Variants in HERC4 observed in about 807,000 individuals in gnomAD.
HERC4 encodes the protein probable E3 ubiquitin-protein ligase HERC4.
A neutral mutation model predicts 124.3 loss-of-function variants in HERC4; 28 were observed. The ratio of observed to expected loss-of-function variants is 0.23; its 90% confidence interval spans 0.17 to 0.31. HERC4 has a LOEUF of 0.31. Ranked by LOEUF, HERC4 falls within the 10% of genes least tolerant of loss-of-function variation. The pLI is 1.00. For synonymous variants in HERC4, 407 were observed against 421.5 expected (o/e 0.97, Z 0.42); for missense variants, 713 against 1,229.3 (o/e 0.58, Z 6.28).
intron 16 of HERC4, chr10:67,960,638 C>T (rs1263649489): frequency 6.3e-6 from 1 of 159,314 alleles, no homozygotes; most frequent in Non-Finnish European, 1.4e-5. Flanking sequence ...CCACCTCAGC[C>T]TCCCAAAGTG....
intron 9 of HERC4, among the ~76,000 whole-genome samples, chr10:68,011,531 G>C (rs2037955308): frequency 1.3e-5 from 2 of 152,202 alleles, no homozygotes; most frequent in South Asian, 4.1e-4. Context: ...ATCTCCATCT[G>C]AGCTCTGATG....
chr10:68,021,829 G>A (rs1419896930), intron 8 of HERC4, among the ~76,000 whole-genome samples: 5 of 151,336 alleles, frequency 3.3e-5, no homozygotes, highest in Non-Finnish European at 5.9e-5. Context: ...ATAAATAAAA[G>A]GCATTCATTC....
chr10:68,023,609 G>C, intron 8 of HERC4, among the ~76,000 whole-genome samples: 1 of 152,124 alleles, frequency 6.6e-6, no homozygotes, highest in East Asian at 1.9e-4. Flanking sequence ...AAGATAAAAA[G>C]AATTCTAGAG....
At chr10:68,010,913 C>G in intron 9 of HERC4, 2 of 1,292,716 alleles carry the variant, frequency 1.5e-6, no homozygotes, top group Non-Finnish European at 2.2e-6. Flanking sequence ...AAGATTGCAG[C>G]AATTCAGTCA....
Position 68,024,554 on chromosome 10 carries a change from T to A in HERC4, c.908+992A>T, listed in dbSNP as rs181173751. 2.4e-4 allele frequency among the ~76,000 whole-genome samples: 37 copies of A among 152,072 alleles called. No individual in the cohort carries two copies. The East Asian group carries it at 5.6e-3, about 23-fold the overall frequency. ...TATGTATAAAATTGAATAAAAAACA[T>A]TAATGAGGCCTAATGATGGAGAACC... On this transcript the variant is annotated intron_variant, in intron 8 of 24. Coordinates refer to ENST00000373700, the MANE Select transcript of HERC4 (RefSeq NM_015601.4).
At chr10:67,927,419 TATATA>T (rs1564911171) in intron 23 of HERC4, among the ~76,000 whole-genome samples, 195 of 12,250 alleles carry the variant, frequency 0.016, 7 homozygotes, top group Middle Eastern at 0.029. Flanking sequence ...TATATATATA[TATATA>T]TATATATTTT....
rs1046524886 is a variant in HERC4, at chr10:67,959,310, A to G, written c.1927-2334T>C. On this transcript the variant is annotated intron_variant, in intron 16 of 24. Coordinates refer to ENST00000373700, the MANE Select transcript of HERC4 (RefSeq NM_015601.4). ...TACACCCCCTACACAAGCATCTTAT[A>G]TATCTACTAATGTAAGATCTTTGTT... Among the ~76,000 whole-genome samples the G allele has an allele frequency of 3.3e-5, 5 of 152,162 alleles. No homozygotes were observed. The South Asian group carries it at 6.2e-4, about 19-fold the overall frequency.
rs1564609562 is a variant in HERC4, at chr10:68,059,811, AATATTATATATC to A, written c.226+13060_226+13071del. Among the ~76,000 whole-genome samples, 12 of 72,506 alleles carry A rather than the reference AATATTATATATC, an allele frequency of 1.7e-4. 1 individual carries two copies. Among genetic ancestry groups the A allele is most frequent in the African/African-American group, 9.4e-4 (8 of 8,476 alleles). The allele number at this position is 72,506 out of a possible 152,430, so 47.6% of individuals were successfully genotyped here. On this transcript the variant is annotated intron_variant, in intron 3 of 24. Coordinates refer to ENST00000373700, the MANE Select transcript of HERC4 (RefSeq NM_015601.4). Reference sequence around the variant, plus strand: ...TATATATCATAATATTATATATTATAATATTATATATCATAATATTATATATTATAATATATT... The same window carrying A: ...TATATATCATAATATTATATATTATAATAATATTATATATTATAATATATT...
intron 9 of HERC4, chr10:68,010,487 G>C (rs2037878845): frequency 1.1e-6 from 1 of 952,064 alleles, no homozygotes; most frequent in Admixed American, 2.0e-5. Flanking sequence ...CATCCTTCTA[G>C]AGCCCAAGCT....
chr10:68,071,618 G>C (rs1245361994), intron 3 of HERC4, among the ~76,000 whole-genome samples: 1 of 152,070 alleles, frequency 6.6e-6, no homozygotes, highest in South Asian at 2.1e-4. Flanking sequence ...CATCAAATGC[G>C]TATCAGTAAA....
At chr10:67,941,221 A>T in intron 19 of HERC4, 116 bp from the exon 20 acceptor site, 1 of 655,856 alleles carries the variant, frequency 1.5e-6, no homozygotes, top group Non-Finnish European at 2.4e-6. Context: ...GTAATAAATA[A>T]CAAAAGTTCA....
At chr10:67,971,069 A>G (rs2035204520) in intron 15 of HERC4, among the ~76,000 whole-genome samples, 1 of 152,140 alleles carries the variant, frequency 6.6e-6, no homozygotes, top group Non-Finnish European at 1.5e-5. Flanking sequence ...ATGATTACAT[A>G]GATATCTTGG....
At chr10:68,024,655 T>C (rs2038807880) in intron 8 of HERC4, among the ~76,000 whole-genome samples, 2 of 152,228 alleles carry the variant, frequency 1.3e-5, no homozygotes, top group South Asian at 4.1e-4. Flanking sequence ...ACAGTGTGAT[T>C]ACATGCATTT....
At chr10:68,072,541 C>T (rs2041624922) in intron 3 of HERC4, among the ~76,000 whole-genome samples, 1 of 152,176 alleles carries the variant, frequency 6.6e-6, no homozygotes, top group South Asian at 2.1e-4. Flanking sequence ...GTAAATTATG[C>T]ATTTAAAATC....
intron 19 of HERC4, among the ~76,000 whole-genome samples, chr10:67,944,991 T>C (rs2033213711): frequency 6.6e-6 from 1 of 152,140 alleles, no homozygotes; most frequent in South Asian, 2.1e-4. Flanking sequence ...TAAGAGTTAT[T>C]GGCCTTAAAG....
intron 8 of HERC4, among the ~76,000 whole-genome samples, chr10:68,016,096 C>T (rs2038248476): frequency 6.6e-6 from 1 of 152,042 alleles, no homozygotes; most frequent in South Asian, 2.1e-4. Flanking sequence ...GAGCAAGACT[C>T]AGTCTCAAAA....
chr10:67,942,456 C>T (rs2032994035), intron 19 of HERC4, among the ~76,000 whole-genome samples: 1 of 152,114 alleles, frequency 6.6e-6, no homozygotes, highest in African/African-American at 2.4e-5. Flanking sequence ...ATTCATAAGT[C>T]AAAAGACAGT....
Position 67,939,670 on chromosome 10 carries a change from T to C in HERC4, c.2505-16A>G, listed in dbSNP as rs772288645. ...TTGCATGCTTCTGCAAAATAATATA[T>C]ATGTTTCTGAGAGGAAAAAATTATT... On this transcript the variant is annotated splice_polypyrimidine_tract_variant and intron_variant, in intron 20 of 24. Transcript: ENST00000373700. 3.2e-6 allele frequency: 5 copies of C among 1,558,936 alleles called. No individual in the cohort carries two copies. Among genetic ancestry groups the C allele is most frequent in the South Asian group, 1.2e-5 (1 of 85,710 alleles).
intron 23 of HERC4, among the ~76,000 whole-genome samples, chr10:67,927,430 A>ATATATATATTT (rs1564911511): frequency 2.6e-5 from 1 of 37,912 alleles, no homozygotes; most frequent in Non-Finnish European, 7.6e-5. Flanking sequence ...ATATATATAT[A>ATATATATATTT]TTTTTTTTTT....
Sources: allele counts gnomAD v4.1 joint callset (sites outside exome capture counted in the v4.1 genomes callset), GRCh38; gene constraint gnomAD v4.1.1; transcripts MANE v1.5; gene names NCBI Gene and HGNC (gene_info 2026-07-23, HGNC 2026-07-21).